The following MON2 variants were observed in gnomAD, a reference collection of about 807,000 sequenced individuals.
MON2 encodes protein MON2 homolog.
In MON2, 84 loss-of-function variants were observed where a neutral mutation model predicts 208.6. The observed-to-expected ratio is 0.40, with a 90% CI of 0.34 to 0.48. The LOEUF is 0.48. Ranked by LOEUF, MON2 falls within the 20% of genes least tolerant of loss-of-function variation. MON2 has a pLI of 0.59. For missense variants in MON2, 1,611 were observed against 2,015.4 expected (o/e 0.80, Z 3.84); for synonymous variants, 660 against 694.0 (o/e 0.95, Z 0.77).
At position 62,571,378 on chromosome 12, in the gene MON2, GTCTT is replaced by G; in HGVS notation, c.4324-12_4324-9del. On this transcript the variant is annotated splice_polypyrimidine_tract_variant and intron_variant, in intron 29 of 34. Coordinates refer to ENST00000393630, the MANE Select transcript of MON2 (RefSeq NM_015026.3). The stretch of plus-strand genomic sequence containing the variant: ...TTTTAATTAATGCTTATATTAAACT[GTCTT>G]TATTTTCAGACTCTTAGGGTTCCTC... 6.6e-7 allele frequency: 1 copy of G among 1,525,834 alleles called. No homozygotes were observed. The highest frequency in any genetic ancestry group is 8.9e-7 in the Non-Finnish European group (1 of 1,129,198). 94.5% of individuals were successfully genotyped at this position (1,525,834 alleles called of 1,614,324 possible). A position where few individuals can be genotyped will look rare whatever the true frequency, so the allele number is the denominator to read the frequency against.
intron 11 of MON2, among the ~76,000 whole-genome samples, chr12:62,529,549 A>T (rs2072517003): frequency 6.6e-6 from 1 of 152,024 alleles, no homozygotes; most frequent in African/African-American, 2.4e-5. Context: ...TAGTAATTTC[A>T]ATTTTACTTT....
Position 62,544,994 on chromosome 12 carries a change from C to G in MON2, c.2563C>G (p.Leu855Val), listed in dbSNP as rs529596767. The G allele has an allele frequency of 2.5e-5, 40 of 1,583,192 alleles. No homozygotes were observed. The East Asian group carries it at 6.3e-4, about 25-fold the overall frequency. The change falls in exon 21 of 35, where the codon CTC becomes GTC. Residue 855 changes from leucine to valine, a missense_variant. By Grantham distance (32) the Leu-to-Val change is conservative. Transcript: ENST00000393630. ...AGLTFNHDPP[L>V]SQNQRLQLLL... is the part of the protein sequence containing the mutation. ...ATTAACATTTAACCATGATCCTCCACTCTCACAAAACCAGGTAATAAAAAC... is the reference window on the plus strand; with the variant it reads ...ATTAACATTTAACCATGATCCTCCAGTCTCACAAAACCAGGTAATAAAAAC...
chr12:62,550,909 C>CTTT (rs869160726), intron 23 of MON2, among the ~76,000 whole-genome samples: 261 of 43,798 alleles, frequency 6.0e-3, no homozygotes, highest in African/African-American at 8.8e-3. Context: ...TTCTTTCTTT[C>CTTT]TTTTTTTTTT....
intron 24 of MON2, among the ~76,000 whole-genome samples, chr12:62,554,348 C>T (rs1259196621): frequency 6.6e-6 from 1 of 152,108 alleles, no homozygotes; most frequent in East Asian, 1.9e-4. Flanking sequence ...GTCAGCCCTC[C>T]CTGAACTTGA....
At position 62,488,548 on chromosome 12, in the gene MON2, C is replaced by T. The variant is rs138016368; in HGVS notation, c.175+4315C>T. On this transcript the variant is annotated intron_variant, in intron 2 of 34. Coordinates refer to ENST00000393630, the MANE Select transcript of MON2 (RefSeq NM_015026.3). ...AAGAGTTTGAGTCAGGGAAGTGACA[C>T]GTTCATATTTATATTTTAAGTAAAT... Among the ~76,000 whole-genome samples the T allele has an allele frequency of 9.0e-4, 137 of 152,030 alleles. 1 individual carries two copies. The highest frequency in any genetic ancestry group is 1.3e-3 in the Non-Finnish European group (89 of 67,980).
At chr12:62,550,081 C>A (rs995775983) in intron 23 of MON2, among the ~76,000 whole-genome samples, 1 of 152,088 alleles carries the variant, frequency 6.6e-6, no homozygotes, top group African/African-American at 2.4e-5. Flanking sequence ...GTTTAGTAAA[C>A]AATAGTATAT....
At chr12:62,571,635 A>G in intron 30 of MON2, 53 bp downstream of exon 30, 1 of 1,393,548 alleles carries the variant, frequency 7.2e-7, no homozygotes. Flanking sequence ...TTATATCTTC[A>G]GTTGCTCTAA....
intron 15 of MON2, 88 bp from the exon 16 acceptor site, chr12:62,537,512 AAT>A: frequency 1.0e-6 from 1 of 984,136 alleles, no homozygotes; most frequent in South Asian, 1.8e-5. Flanking sequence ...TCTTTAAAAA[AAT>A]CTTTTAACAC....
intron 23 of MON2, among the ~76,000 whole-genome samples, chr12:62,550,056 G>GT (rs1288096011): frequency 2.6e-5 from 4 of 152,086 alleles, no homozygotes; most frequent in Non-Finnish European, 5.9e-5. Context: ...GTTTTACAGG[G>GT]TTTGTCATGA....
chr12:62,537,121 T>A (rs775016687), intron 14 of MON2, 30 bp from the exon 15 acceptor site: 10 of 1,309,718 alleles, frequency 7.6e-6, no homozygotes, highest in African/African-American at 4.5e-5. Context: ...AAATATATTT[T>A]AATTATTTAG....
chr12:62,468,611 G>C (rs1416956076), intron 1 of MON2, among the ~76,000 whole-genome samples: 2 of 152,278 alleles, frequency 1.3e-5, no homozygotes, highest in East Asian at 1.9e-4. Context: ...ATGGAAACCA[G>C]ATGTGCCACT....
chr12:62,535,878 G>GGGTGGGC, intron 14 of MON2, among the ~76,000 whole-genome samples, 169 bp downstream of exon 14: 2 of 95,866 alleles, frequency 2.1e-5, no homozygotes, highest in Non-Finnish European at 3.8e-5. Context: ...GGGGGGTGGG[G>GGGTGGGC]GGTGGGCATG....
intron 30 of MON2, among the ~76,000 whole-genome samples, chr12:62,575,534 C>G (rs891487984): frequency 3.9e-5 from 6 of 152,146 alleles, no homozygotes; most frequent in African/African-American, 1.4e-4. Flanking sequence ...TTAAATAAGA[C>G]TAATACTTGA....
intron 12 of MON2, 31 bp downstream of exon 12, chr12:62,532,701 A>G (rs766179142): frequency 1.3e-6 from 2 of 1,538,906 alleles, no homozygotes; most frequent in African/African-American, 2.8e-5. Flanking sequence ...TTTTTATTGG[A>G]AATAATTTGA....
chr12:62,543,276 T>C, intron 20 of MON2, 78 bp downstream of exon 20: 1 of 727,006 alleles, frequency 1.4e-6, no homozygotes, highest in Non-Finnish European at 2.1e-6. Flanking sequence ...AATAGCCATT[T>C]GAAAAATCAG....
intron 1 of MON2, among the ~76,000 whole-genome samples, chr12:62,468,699 T>A (rs1264290847): frequency 1.3e-5 from 2 of 152,222 alleles, no homozygotes; most frequent in African/African-American, 2.4e-5. Context: ...TCATTTTTTT[T>A]ATATCCTCTG....
At chr12:62,560,359 C>T (rs2074151388) in intron 25 of MON2, 132 bp from the exon 26 acceptor site, 2 of 861,044 alleles carry the variant, frequency 2.3e-6, no homozygotes, top group African/African-American at 3.4e-5. Flanking sequence ...ACCTTAGTAC[C>T]TAGTCATATA....
intron 24 of MON2, among the ~76,000 whole-genome samples, 187 bp from the exon 25 acceptor site, chr12:62,555,807 T>TAAAA (rs36090980): frequency 4.2e-5 from 5 of 120,290 alleles, no homozygotes; most frequent in South Asian, 2.7e-4. Flanking sequence ...AGACTCCATC[T>TAAAA]AAAAAAAAAA....
chr12:62,555,237 A>G (rs1015496931), intron 24 of MON2, among the ~76,000 whole-genome samples: 3 of 151,456 alleles, frequency 2.0e-5, no homozygotes, highest in Non-Finnish European at 2.9e-5. Context: ...ATGCAGTGGC[A>G]TGATCACAGC....
Sources: allele counts gnomAD v4.1 joint callset (sites outside exome capture counted in the v4.1 genomes callset), GRCh38; gene constraint gnomAD v4.1.1; transcripts MANE v1.5; gene names NCBI Gene and HGNC (gene_info 2026-07-23, HGNC 2026-07-21).